ALDH1L1: variants seen among roughly 807,000 people sequenced by gnomAD.
ALDH1L1 encodes aldehyde dehydrogenase 1 family member L1, also known as cytosolic 10-formyltetrahydrofolate dehydrogenase.
ALDH1L1 carries 68 observed loss-of-function variants against 101.1 expected under a neutral mutation model. That is an observed-to-expected ratio of 0.67 (90% CI 0.55 to 0.82). The LOEUF (loss-of-function observed/expected upper bound fraction) is 0.82. Ranked by LOEUF, ALDH1L1 falls within the 40% of genes least tolerant of loss-of-function variation. The pLI is 0.00. For synonymous variants in ALDH1L1, 486 were observed against 470.8 expected, an observed-to-expected ratio of 1.03 and a Z score of -0.42; for missense variants, 1,087 against 1,172.7, an observed-to-expected ratio of 0.93 and a Z score of 1.07.
At chr3:126,161,111 C>CCG in intron 1 of ALDH1L1, 109 bp from the exon 2 acceptor site, 1 of 1,303,726 alleles carries the variant, frequency 7.7e-7, no homozygotes, top group Non-Finnish European at 1.0e-6. Flanking sequence ...TACCCCAGTC[C>CCG]CCTCTGTGGC....
At chr3:126,157,787 A>T (rs1282788792) in intron 3 of ALDH1L1, among the ~76,000 whole-genome samples, 3 of 152,208 alleles carry the variant, frequency 2.0e-5, no homozygotes, top group Admixed American at 6.5e-5. Context: ...ACTAAGGCCC[A>T]GAAAAGTGAA....
intron 5 of ALDH1L1, 88 bp from the exon 6 acceptor site, chr3:126,154,731 GTGAGACAGC>G: frequency 8.0e-7 from 1 of 1,243,520 alleles, no homozygotes; most frequent in Admixed American, 1.8e-5. Flanking sequence ...CCAAGCTCTT[GTGAGACAGC>G]TGGTAACCCC....
intron 16 of ALDH1L1, among the ~76,000 whole-genome samples, chr3:126,120,435 GA>G (rs974879166): frequency 2.0e-5 from 3 of 152,316 alleles, no homozygotes; most frequent in Admixed American, 2.0e-4. Context: ...ATGGAGACAA[GA>G]AAAAGATCAC....
At chr3:126,148,647 A>T (rs1188258972) in intron 8 of ALDH1L1, among the ~76,000 whole-genome samples, 1 of 151,814 alleles carries the variant, frequency 6.6e-6, no homozygotes, top group Non-Finnish European at 1.5e-5. Flanking sequence ...CAGAGCCCGG[A>T]CTCCACTCCT....
intron 16 of ALDH1L1, among the ~76,000 whole-genome samples, chr3:126,120,305 G>A (rs1338280787): frequency 6.6e-6 from 1 of 152,176 alleles, no homozygotes; most frequent in Non-Finnish European, 1.5e-5. Context: ...AACAAGAAAT[G>A]AGCTATTAAG....
In ALDH1L1 at chr3:126,155,490, C is replaced by G. The variant is rs766078965; in HGVS notation, c.542G>C (p.Arg181Thr). The G allele has an allele frequency of 4.1e-5, 66 of 1,612,274 alleles. No homozygotes were observed. In the East Asian group the frequency reaches 1.5e-3, roughly 36 times the overall value. Residue 181 changes from arginine to threonine, a missense_variant, in exon 5 of 23, where the codon AGG becomes ACG. Around this residue, in one of 2 missense-constraint regions of ALDH1L1, gnomAD observed 645 missense variants for 637.0 expected, o/e 1.01. Transcript: ENST00000393434. ...EGIKGMVQAVRLIAEGKAPRL... is the reference protein window; with the variant it reads ...EGIKGMVQAVTLIAEGKAPRL... ...GGGGGCTTTGCCCTCAGCGATCAGCCTCACGGCCTGCACCTGGGGAGATCC... is the reference window on the plus strand; with the variant it reads ...GGGGGCTTTGCCCTCAGCGATCAGCGTCACGGCCTGCACCTGGGGAGATCC...
intron 9 of ALDH1L1, among the ~76,000 whole-genome samples, chr3:126,140,153 A>G (rs777328681): frequency 6.6e-6 from 1 of 152,164 alleles, no homozygotes; most frequent in Non-Finnish European, 1.5e-5. Context: ...TAATTTGGAG[A>G]GTAGCAAGAG....
At chr3:126,161,073 A>G (rs2081039604) in intron 1 of ALDH1L1, 71 bp from the exon 2 acceptor site, 1 of 1,543,176 alleles carries the variant, frequency 6.5e-7, no homozygotes, top group Admixed American at 1.9e-5. Flanking sequence ...GGTTCAAGAC[A>G]GGGCAGTTCA....
chr3:126,124,312 G>A, intron 16 of ALDH1L1, 52 bp downstream of exon 16: 1 of 1,513,180 alleles, frequency 6.6e-7, no homozygotes, highest in Admixed American at 1.9e-5. Context: ...TCTGCCCAAT[G>A]GCATCTCCAG....
chr3:126,131,149 C>T (rs545130757), intron 13 of ALDH1L1, among the ~76,000 whole-genome samples: 1 of 152,372 alleles, frequency 6.6e-6, no homozygotes, highest in South Asian at 2.1e-4. Context: ...CCAGATAAGG[C>T]CCAGTCCAGC....
At chr3:126,181,159 C>G (rs1368606178), upstream of ALDH1L1, 3 of 701,878 alleles carry the variant, frequency 4.3e-6, no homozygotes, top group African/African-American at 3.5e-5. Context: ...TCCACTCTCT[C>G]CCTTCTACTC....
chr3:126,148,699 C>T (rs921012565), intron 8 of ALDH1L1, among the ~76,000 whole-genome samples: 1 of 150,794 alleles, frequency 6.6e-6, no homozygotes, highest in Non-Finnish European at 1.5e-5. Flanking sequence ...GTACTGAGGG[C>T]ACCTACTGCA....
intron 16 of ALDH1L1, among the ~76,000 whole-genome samples, chr3:126,120,560 T>C (rs905947246): frequency 3.3e-5 from 5 of 152,284 alleles, no homozygotes; most frequent in African/African-American, 1.2e-4. Context: ...TCAAAACCCA[T>C]GGAATGTACA....
intron 1 of ALDH1L1, among the ~76,000 whole-genome samples, chr3:126,176,814 G>A (rs2081371211): frequency 6.6e-6 from 1 of 152,104 alleles, no homozygotes; most frequent in South Asian, 2.1e-4. Context: ...AGACATATCT[G>A]GTAAAGCACT....
chr3:126,105,273 T>C, intron 22 of ALDH1L1: 1 of 278,576 alleles, frequency 3.6e-6, no homozygotes, highest in Non-Finnish European at 7.1e-6. Flanking sequence ...CCTACCTGCC[T>C]CTCAGGCCTT....
chr3:126,141,563 T>C (rs188090162), intron 9 of ALDH1L1, among the ~76,000 whole-genome samples: 4 of 151,914 alleles, frequency 2.6e-5, no homozygotes, highest in Admixed American at 2.6e-4. Flanking sequence ...ATCTGGAAAA[T>C]CCATAAAGAT....
upstream of ALDH1L1, chr3:126,181,484 T>C (rs188101029): frequency 7.4e-4 from 137 of 186,006 alleles, no homozygotes; most frequent in African/African-American, 2.9e-3. Context: ...ACTTGTAGTG[T>C]TCTTTCAGAG....
At chr3:126,115,767 G>T (rs1410691814) in intron 17 of ALDH1L1, among the ~76,000 whole-genome samples, 2 of 151,842 alleles carry the variant, frequency 1.3e-5, no homozygotes, top group African/African-American at 4.8e-5. Flanking sequence ...TAGGGACGGG[G>T]TTTCACCATG....
At chr3:126,136,967 C>A in intron 10 of ALDH1L1, 84 bp from the exon 11 acceptor site, 1 of 1,568,236 alleles carries the variant, frequency 6.4e-7, no homozygotes, top group Non-Finnish European at 8.7e-7. Context: ...CACACACACA[C>A]ACTGCCCAGG....
Sources: gnomAD v4.1 joint callset for allele counts (sites outside exome capture counted in the v4.1 genomes callset) on GRCh38, gnomAD v4.1.1 for gene constraint, gnomAD v4.1.1 regional missense constraint, MANE v1.5 for transcripts, NCBI Gene and HGNC (gene_info 2026-07-23, HGNC 2026-07-21) for gene names.